The following RRM2 variants were observed in gnomAD, a reference collection of about 807,000 sequenced individuals.
RRM2 encodes ribonucleotide reductase regulatory subunit M2, also known as ribonucleoside-diphosphate reductase subunit M2.
RRM2 carries 6 observed loss-of-function variants against 45.9 expected under a neutral mutation model. The observed-to-expected ratio is 0.13, with a 90% CI of 0.07 to 0.26. The LOEUF is 0.26. Among genes scored for constraint, RRM2 ranks in the 10% least tolerant of loss-of-function variants. The pLI is 1.00. For missense variants in RRM2, 343 were observed against 489.5 expected, an observed-to-expected ratio of 0.70 and a Z score of 2.82; for synonymous variants, 177 against 173.0, an observed-to-expected ratio of 1.02 and a Z score of -0.18.
chr2:10,174,596 G>A (rs1365746654), intron 3 of RRM2, among the ~76,000 whole-genome samples: 2 of 147,854 alleles, frequency 1.4e-5, no homozygotes, highest in African/African-American at 4.9e-5. Flanking sequence ...AAAAAGGCTA[G>A]GTATGGTGGC....
At position 10,124,650 on chromosome 2, in the gene RRM2, AGTATCC is replaced by A. The variant is rs1662743717; in HGVS notation, c.436-64_436-59del. The A allele has an allele frequency of 1.3e-5, 21 of 1,570,536 alleles. 1 individual carries two copies. The South Asian group carries it at 2.4e-4, about 18-fold the overall frequency. On this transcript the variant is annotated intron_variant, in intron 4 of 9. Coordinates refer to ENST00000304567, the MANE Select transcript of RRM2 (RefSeq NM_001034.4). ...ATGGTACAAAGAGTGCGATGCTGCC[AGTATCC>A]GTTGACAGTTGCTGCTGTTGGTTTT...
At chr2:10,123,619 GC>G in intron 3 of RRM2, 89 bp downstream of exon 3, 1 of 1,519,122 alleles carries the variant, frequency 6.6e-7, no homozygotes, top group Non-Finnish European at 9.0e-7. Context: ...GGCAAGGGGG[GC>G]TAACTGTGGG....
chr2:10,211,009 A>G (rs1664752176), exon 4 of RRM2: 1 of 174,208 alleles, frequency 5.7e-6, no homozygotes. Flanking sequence ...TAAGGCACTC[A>G]ATATTTTGTT....
At chr2:10,168,790 C>T (rs1264295979) in intron 3 of RRM2, among the ~76,000 whole-genome samples, 4 of 152,032 alleles carry the variant, frequency 2.6e-5, no homozygotes, top group Admixed American at 2.6e-4. Flanking sequence ...ACCTGATCAC[C>T]CACTCATTCT....
intron 3 of RRM2, among the ~76,000 whole-genome samples, chr2:10,158,426 G>A (rs1305864052): frequency 6.6e-6 from 1 of 152,082 alleles, no homozygotes; most frequent in Non-Finnish European, 1.5e-5. Context: ...ACCCCATGCT[G>A]CCTGCCTCTG....
At chr2:10,193,445 G>C (rs1056086548) in intron 3 of RRM2, among the ~76,000 whole-genome samples, 2 of 152,164 alleles carry the variant, frequency 1.3e-5, no homozygotes, top group Admixed American at 1.3e-4. Context: ...TGGGTGCCGG[G>C]TGCCTCAGTG....
At chr2:10,197,015 C>G (rs868354616) in intron 3 of RRM2, among the ~76,000 whole-genome samples, 2 of 152,222 alleles carry the variant, frequency 1.3e-5, no homozygotes, top group Middle Eastern at 3.4e-3. Flanking sequence ...CTCAGCTCAC[C>G]CCAGTGAGCT....
chr2:10,132,453 CTG>C (rs1449349426), downstream of RRM2, among the ~76,000 whole-genome samples: 1 of 152,060 alleles, frequency 6.6e-6, no homozygotes, highest in African/African-American at 2.4e-5. Context: ...GGACTAGTGT[CTG>C]AGGTTGTGCT....
chr2:10,154,499 C>CA (rs547349749), intron 3 of RRM2, among the ~76,000 whole-genome samples: 43,759 of 94,302 alleles, frequency 0.46, 9,740 homozygotes, highest in African/African-American at 0.56. Context: ...GACTCCATCT[C>CA]AAAAAAAAAA....
chr2:10,186,848 A>C (rs1442761992), intron 3 of RRM2, among the ~76,000 whole-genome samples: 1 of 152,050 alleles, frequency 6.6e-6, no homozygotes, highest in Non-Finnish European at 1.5e-5. Flanking sequence ...GCCAGGCCCC[A>C]CCTCCACAGA....
rs906003445 is a variant in RRM2 at position 10,205,895 on chromosome 2, G to C, written n.483-4416G>C. ...TTAGTGGAGACGAGGTTTTCACCAC[G>C]TTGACCAGGCTGGTCTCGAACTCCT... On this transcript the variant is annotated intron_variant and non_coding_transcript_variant, in intron 3 of 3. Coordinates refer to the RRM2 transcript ENST00000381786. The surrounding 1 kb of genome is among the most constrained non-coding windows in gnomAD (Gnocchi z 4.8). Among the ~76,000 whole-genome samples the C allele has an allele frequency of 6.6e-6, 1 of 152,068 alleles. No individual in the cohort carries two copies. Among genetic ancestry groups the C allele is most frequent in the South Asian group, 2.1e-4 (1 of 4,818 alleles).
chr2:10,192,819 GT>G (rs1664338996), intron 3 of RRM2: 1 of 152,832 alleles, frequency 6.5e-6, no homozygotes, highest in Admixed American at 6.5e-5. Flanking sequence ...AGCTTCATGG[GT>G]TCTAGGACCC....
At chr2:10,176,568 A>G (rs952408656) in intron 3 of RRM2, among the ~76,000 whole-genome samples, 2 of 152,142 alleles carry the variant, frequency 1.3e-5, no homozygotes, top group African/African-American at 4.8e-5. Context: ...GTCTACTTCT[A>G]ATTTTTTAAA....
At chr2:10,138,040 C>G (rs1435233091), upstream of RRM2, among the ~76,000 whole-genome samples, 1 of 152,096 alleles carries the variant, frequency 6.6e-6, no homozygotes, top group Non-Finnish European at 1.5e-5. Flanking sequence ...TTGCTGCGAC[C>G]CCCAGGCTGG....
downstream of RRM2, among the ~76,000 whole-genome samples, chr2:10,132,535 G>A (rs867794250): frequency 6.6e-6 from 1 of 152,134 alleles, no homozygotes; most frequent in Non-Finnish European, 1.5e-5. Context: ...TGTCTTTGAG[G>A]GCACAGATTT....
upstream of RRM2, among the ~76,000 whole-genome samples, chr2:10,140,974 C>T (rs150377966): frequency 5.3e-5 from 8 of 152,206 alleles, no homozygotes; most frequent in Non-Finnish European, 4.4e-5. Flanking sequence ...GGAGGTGCCC[C>T]GGGCATGTGG....
chr2:10,140,060 AAC>A (rs1430936104), upstream of RRM2, among the ~76,000 whole-genome samples: 5 of 152,098 alleles, frequency 3.3e-5, no homozygotes, highest in South Asian at 2.1e-4. Flanking sequence ...CATCCTGGCT[AAC>A]ACAGAGAAAG....
At chr2:10,158,824 G>T (rs898193675) in intron 3 of RRM2, among the ~76,000 whole-genome samples, 4 of 152,152 alleles carry the variant, frequency 2.6e-5, no homozygotes, top group Non-Finnish European at 4.4e-5. Flanking sequence ...CTTCCGAGGA[G>T]TGGCCTTCTC....
At chr2:10,188,902 G>T (rs1664224918) in intron 3 of RRM2, among the ~76,000 whole-genome samples, 1 of 152,156 alleles carries the variant, frequency 6.6e-6, no homozygotes, top group Non-Finnish European at 1.5e-5. Context: ...CCCAGTCCTG[G>T]CCGCATTTGG....
Sources: gnomAD v4.1 joint callset for allele counts (sites outside exome capture counted in the v4.1 genomes callset) on GRCh38, gnomAD v4.1.1 for gene constraint, Gnocchi (gnomAD v3.1) non-coding constraint, MANE v1.5 for transcripts, NCBI Gene and HGNC (gene_info 2026-07-23, HGNC 2026-07-21) for gene names.